The following SGMS2 variants were observed in gnomAD, a reference collection of about 807,000 sequenced individuals.
The protein encoded by SGMS2 is sphingomyelin synthase 2, also known as phosphatidylcholine:ceramide cholinephosphotransferase 2.
In SGMS2, 21 loss-of-function variants were observed where a neutral mutation model predicts 43.8. The ratio of observed to expected loss-of-function variants is 0.48; its 90% CI spans 0.34 to 0.69. The LOEUF is 0.69. Ranked by LOEUF, SGMS2 falls within the 30% of genes least tolerant of loss-of-function variation. The pLI, the probability that SGMS2 is intolerant of heterozygous loss-of-function variation, is 0.01. For synonymous variants in SGMS2, 167 were observed against 160.6 expected, an observed-to-expected ratio of 1.04 and a Z score of -0.30; for missense variants, 384 against 443.2, an observed-to-expected ratio of 0.87 and a Z score of 1.20.
At chr4:107,841,432 T>C (rs1726493486) in intron 1 of SGMS2, among the ~76,000 whole-genome samples, 1 of 152,102 alleles carries the variant, frequency 6.6e-6, no homozygotes, top group Non-Finnish European at 1.5e-5. Flanking sequence ...ACCTTTTTTT[T>C]TTTCAATATG....
chr4:107,849,228 C>T lies in SGMS2; in HGVS notation c.-326-9244C>T, dbSNP rs189000605. On this transcript the variant is annotated intron_variant, in intron 1 of 6. Transcript: ENST00000690982. ...GCTGTGTCTACAGGAGGGTACAATG[C>T]GTTGCCTTTCTCCTTAGTTATGTCT... Among the ~76,000 whole-genome samples the T allele has an allele frequency of 1.7e-4, 26 of 152,074 alleles. No homozygotes were observed. In the East Asian group the frequency reaches 1.9e-3, roughly 11 times the overall value.
intron 1 of SGMS2, among the ~76,000 whole-genome samples, chr4:107,853,330 C>T (rs952767504): frequency 6.6e-6 from 1 of 152,086 alleles, no homozygotes; most frequent in African/African-American, 2.4e-5. Flanking sequence ...ACAGAGTTGC[C>T]TTTCAATATA....
intron 1 of SGMS2, among the ~76,000 whole-genome samples, chr4:107,847,157 CT>C (rs1390133942): frequency 6.6e-6 from 1 of 151,500 alleles, no homozygotes; most frequent in Non-Finnish European, 1.5e-5. Flanking sequence ...ATTGCCATTG[CT>C]TTTGGTGTTT....
At chr4:107,908,845 T>G in intron 6 of SGMS2, 114 bp downstream of exon 6, 1 of 858,992 alleles carries the variant, frequency 1.2e-6, no homozygotes, top group Non-Finnish European at 1.8e-6. Flanking sequence ...CCACATTCAC[T>G]TAAACATATA....
At chr4:107,828,461 C>A (rs1245925980) in intron 1 of SGMS2, among the ~76,000 whole-genome samples, 1 of 152,194 alleles carries the variant, frequency 6.6e-6, no homozygotes, top group Non-Finnish European at 1.5e-5. Flanking sequence ...TTCCAACTTA[C>A]GTTTTCTCTC....
intron 1 of SGMS2, among the ~76,000 whole-genome samples, chr4:107,838,919 G>T (rs1240908035): frequency 6.6e-6 from 1 of 152,072 alleles, no homozygotes; most frequent in Non-Finnish European, 1.5e-5. Flanking sequence ...CCACTGCCTT[G>T]CCTGGACTGA....
At chr4:107,904,960 T>G (rs1250904604) in intron 5 of SGMS2, among the ~76,000 whole-genome samples, 1 of 152,038 alleles carries the variant, frequency 6.6e-6, no homozygotes, top group Admixed American at 6.6e-5. Flanking sequence ...CAGAAGAAGA[T>G]GGGGATGAGG....
intron 6 of SGMS2, among the ~76,000 whole-genome samples, chr4:107,909,165 G>T (rs553663673): frequency 4.8e-4 from 73 of 151,654 alleles, no homozygotes; most frequent in Non-Finnish European, 9.7e-4. Context: ...GAGTACAGTG[G>T]TGCAATCTTG....
At chr4:107,837,225 A>C (rs943939397) in intron 1 of SGMS2, among the ~76,000 whole-genome samples, 1 of 152,130 alleles carries the variant, frequency 6.6e-6, no homozygotes, top group African/African-American at 2.4e-5. Flanking sequence ...TTGAGAGAGG[A>C]AAAGGTGTTG....
intron 1 of SGMS2, among the ~76,000 whole-genome samples, chr4:107,851,496 G>A (rs971187603): frequency 6.6e-6 from 1 of 152,094 alleles, no homozygotes; most frequent in African/African-American, 2.4e-5. Flanking sequence ...GCCTAACCTG[G>A]ATAGTTAACA....
At chr4:107,894,901 ATTCT>A (rs1364528943) in intron 2 of SGMS2, among the ~76,000 whole-genome samples, 2 of 152,152 alleles carry the variant, frequency 1.3e-5, no homozygotes, top group East Asian at 1.9e-4. Flanking sequence ...CCAGTTTTTT[ATTCT>A]TTCTTTATGG....
chr4:107,852,450 A>C (rs1379838920), intron 1 of SGMS2, among the ~76,000 whole-genome samples: 1 of 152,152 alleles, frequency 6.6e-6, no homozygotes, highest in Non-Finnish European at 1.5e-5. Context: ...ATAGCAACTC[A>C]TGTTTATTTT....
rs1367019562 is a variant in SGMS2 at position 107,914,047 on chromosome 4, T to G, written c.*3494T>G. The G allele has an allele frequency of 6.6e-6, 1 of 152,160 alleles. No individual in the cohort carries two copies. Among genetic ancestry groups the G allele is most frequent in the Non-Finnish European group, 1.5e-5 (1 of 68,012 alleles). The allele number at this position is 152,160 out of a possible 1,614,324, so 9.4% of individuals were successfully genotyped here. On this transcript the variant is annotated 3_prime_UTR_variant, in exon 7 of 7. Transcript: ENST00000690982. ...TAAATCAAGCATATTATAAGTTATATGCCATGTGTTGAAGGCTTTTCTATT... is the reference window on the plus strand; with the variant it reads ...TAAATCAAGCATATTATAAGTTATAGGCCATGTGTTGAAGGCTTTTCTATT...
intron 1 of SGMS2, among the ~76,000 whole-genome samples, chr4:107,857,371 A>G (rs1187468918): frequency 2.0e-5 from 3 of 151,898 alleles, no homozygotes; most frequent in Non-Finnish European, 4.4e-5. Context: ...TTTGGGGGGT[A>G]TATACCTAAG....
chr4:107,863,708 C>G (rs973313532), intron 2 of SGMS2: 1 of 152,120 alleles, frequency 6.6e-6, no homozygotes, highest in Non-Finnish European at 1.5e-5. Flanking sequence ...TGGGTTTTTG[C>G]TTTACTGTTT....
At chr4:107,903,430 A>T (rs780593952) in intron 5 of SGMS2, 44 bp downstream of exon 5, 12 of 1,597,448 alleles carry the variant, frequency 7.5e-6, no homozygotes, top group Non-Finnish European at 9.4e-6. Context: ...CTGTAGTGGG[A>T]GGGATCCCTG....
intron 2 of SGMS2, among the ~76,000 whole-genome samples, chr4:107,879,026 T>A (rs1578592269): frequency 6.6e-6 from 1 of 152,226 alleles, no homozygotes; most frequent in East Asian, 1.9e-4. Flanking sequence ...TACAGTTTAT[T>A]GTTTTCAAAT....
intron 4 of SGMS2, among the ~76,000 whole-genome samples, chr4:107,901,971 A>G (rs1264816003): frequency 1.3e-5 from 2 of 151,236 alleles, no homozygotes; most frequent in Non-Finnish European, 2.9e-5. Context: ...CAATGGCGCA[A>G]TCTTGGCTCA....
upstream of SGMS2, chr4:107,824,870 A>C (rs1455603180): frequency 6.6e-6 from 1 of 152,446 alleles, no homozygotes; most frequent in Non-Finnish European, 1.5e-5. Context: ...CGCTGGGCGC[A>C]GGGCGCAGGG....
Sources: allele counts gnomAD v4.1 joint callset (sites outside exome capture counted in the v4.1 genomes callset), GRCh38; gene constraint gnomAD v4.1.1; transcripts MANE v1.5; gene names NCBI Gene and HGNC (gene_info 2026-07-23, HGNC 2026-07-21).